The following EPHA6 variants were observed in gnomAD, a reference collection of about 807,000 sequenced individuals.
EPHA6 encodes ephrin type-A receptor 6.
In EPHA6, 50 loss-of-function variants were observed where a neutral mutation model predicts 112.0. The ratio of observed to expected loss-of-function variants is 0.45; its 90% CI spans 0.36 to 0.56. The LOEUF (loss-of-function observed/expected upper bound fraction) is 0.56. Ranked by LOEUF, EPHA6 falls within the 20% of genes least tolerant of loss-of-function variation. The pLI, the probability that EPHA6 is intolerant of heterozygous loss-of-function variation, is 0.00. For missense variants in EPHA6, 1,280 were observed against 1,417.4 expected (o/e 0.90, Z 1.56); for synonymous variants, 529 against 490.7 (o/e 1.08, Z -1.03).
intron 2 of EPHA6, among the ~76,000 whole-genome samples, chr3:96,961,349 C>T (rs2041943105): frequency 1.3e-5 from 2 of 152,334 alleles, no homozygotes; most frequent in Admixed American, 6.5e-5. Context: ...ACTGCAAATT[C>T]ATTCTTCTTT....
At chr3:97,306,714 A>C (rs2081335761) in intron 5 of EPHA6, among the ~76,000 whole-genome samples, 1 of 151,888 alleles carries the variant, frequency 6.6e-6, no homozygotes, top group African/African-American at 2.4e-5. Context: ...ACTATTAAAA[A>C]TTCAAATATC....
At chr3:97,556,247 C>T (rs945137793) in intron 11 of EPHA6, among the ~76,000 whole-genome samples, 12 of 152,000 alleles carry the variant, frequency 7.9e-5, no homozygotes, top group Non-Finnish European at 2.9e-5. Flanking sequence ...CCTCGTGTGA[C>T]CCTTTTGTTT....
chr3:97,472,595 A>T (rs1224562606), intron 7 of EPHA6, among the ~76,000 whole-genome samples: 2 of 151,784 alleles, frequency 1.3e-5, no homozygotes, highest in African/African-American at 4.8e-5. Context: ...CACTAATATG[A>T]TAAAACGCAA....
chr3:97,720,437 C>T (rs750101319), intron 15 of EPHA6, 27 bp downstream of exon 15: 1 of 1,565,524 alleles, frequency 6.4e-7, no homozygotes, highest in Non-Finnish European at 8.6e-7. Context: ...GTTAAACTGC[C>T]ATTTTGTGAA....
chr3:97,145,943 G>C (rs115554332), intron 3 of EPHA6, among the ~76,000 whole-genome samples: 2,409 of 151,416 alleles, frequency 0.016, 74 homozygotes, highest in African/African-American at 0.055. Flanking sequence ...TTTTTTCATA[G>C]AGTATTCTTA....
intron 3 of EPHA6, among the ~76,000 whole-genome samples, chr3:97,196,786 A>C (rs533486593): frequency 6.6e-6 from 1 of 151,808 alleles, no homozygotes; most frequent in African/African-American, 2.4e-5. Context: ...AATTCTCTGT[A>C]TTACCAGGAA....
At chr3:97,087,098 T>C (rs930239949) in intron 3 of EPHA6, among the ~76,000 whole-genome samples, 1 of 152,110 alleles carries the variant, frequency 6.6e-6, no homozygotes, top group South Asian at 2.1e-4. Context: ...ACTGCTTTTG[T>C]TCAAGAAAGC....
At chr3:96,874,003 A>T (rs2036797341) in intron 2 of EPHA6, among the ~76,000 whole-genome samples, 2 of 152,226 alleles carry the variant, frequency 1.3e-5, no homozygotes, top group Non-Finnish European at 2.9e-5. Context: ...CATGGTTGTG[A>T]TGACCAAAGA....
chr3:97,516,540 C>G (rs773045581), intron 10 of EPHA6, among the ~76,000 whole-genome samples: 4 of 152,140 alleles, frequency 2.6e-5, no homozygotes, highest in Non-Finnish European at 5.9e-5. Context: ...ATGACAAGCA[C>G]TGAATACAGT....
chr3:97,622,269 C>A (rs1347106578), intron 13 of EPHA6, among the ~76,000 whole-genome samples: 2 of 151,812 alleles, frequency 1.3e-5, no homozygotes, highest in East Asian at 3.9e-4. Context: ...TTCCCCCAGC[C>A]CCTGGCAAAC....
intron 11 of EPHA6, among the ~76,000 whole-genome samples, chr3:97,568,070 A>G (rs1306045561): frequency 6.6e-6 from 1 of 152,038 alleles, no homozygotes; most frequent in Non-Finnish European, 1.5e-5. Context: ...TTGGCTCTGG[A>G]TTGGTTAGTT....
intron 2 of EPHA6, among the ~76,000 whole-genome samples, chr3:96,976,518 T>A (rs1345562226): frequency 6.6e-6 from 1 of 152,200 alleles, no homozygotes; most frequent in Non-Finnish European, 1.5e-5. Context: ...TTAAAGTAAA[T>A]GTTTACACTA....
Position 96,987,606 on chromosome 3 carries a change from G to T in EPHA6, c.727G>T (p.Asp243Tyr), listed in dbSNP as rs748675557. Reference sequence around the variant, plus strand: ...CAAGCCAAACCAGTATACAAAGATCGACACAATTGCTGCTGATGAGAGTTT... The same window carrying T: ...CAAGCCAAACCAGTATACAAAGATCTACACAATTGCTGCTGATGAGAGTTT... The part of the protein sequence containing the change: ...KFKPNQYTKI[D>Y]TIAADESFTQ... Residue 243 changes from aspartate (D) to tyrosine (Y), a missense_variant, in exon 3 of 18, where the codon GAC (aspartate) becomes TAC (tyrosine). Asp to Tyr is a radical substitution (Grantham distance 160, BLOSUM62 -3). This residue lies in a region of EPHA6 where 878 missense variants were observed against 999.7 expected (regional missense o/e 0.88). Coordinates refer to ENST00000389672, the MANE Select transcript of EPHA6 (RefSeq NM_001080448.3). The T allele has an allele frequency of 3.1e-6, 5 of 1,613,270 alleles. No homozygotes were observed. Among genetic ancestry groups the T allele is most frequent in the Non-Finnish European group, 4.2e-6 (5 of 1,179,350 alleles).
At chr3:96,825,036 G>A (rs2033555047) in intron 1 of EPHA6, among the ~76,000 whole-genome samples, 1 of 151,752 alleles carries the variant, frequency 6.6e-6, no homozygotes, top group African/African-American at 2.4e-5. Context: ...AGTTATACAT[G>A]GGAAATGAAA....
intron 3 of EPHA6, among the ~76,000 whole-genome samples, chr3:97,116,250 T>A (rs1010814482): frequency 6.6e-6 from 1 of 151,732 alleles, no homozygotes; most frequent in Non-Finnish European, 1.5e-5. Context: ...AATATGTATA[T>A]TTTTAATGGT....
chr3:97,543,700 C>G (rs986708041), intron 11 of EPHA6, among the ~76,000 whole-genome samples: 9 of 151,958 alleles, frequency 5.9e-5, no homozygotes, highest in African/African-American at 2.2e-4. Flanking sequence ...TGGCCATTTT[C>G]ACGATATTGA....
chr3:96,908,560 T>C lies in EPHA6; in HGVS notation c.450+41671T>C, dbSNP rs572893616. Among the ~76,000 whole-genome samples the C allele has an allele frequency of 2.0e-5, 3 of 152,036 alleles. No homozygotes were observed. In the South Asian group the frequency reaches 6.2e-4, roughly 31 times the overall value. On this transcript the variant is annotated intron_variant, in intron 2 of 17. Coordinates refer to ENST00000389672, the MANE Select transcript of EPHA6 (RefSeq NM_001080448.3). Reference sequence around the variant, plus strand: ...TAGGGTAAACTTATATGTTTTCATATGTTCCCGTGCCGATTTCAGTGGTTT... The same window carrying C: ...TAGGGTAAACTTATATGTTTTCATACGTTCCCGTGCCGATTTCAGTGGTTT...
chr3:97,006,905 G>A (rs1576308020), intron 3 of EPHA6, among the ~76,000 whole-genome samples: 2 of 152,172 alleles, frequency 1.3e-5, no homozygotes, highest in African/African-American at 2.4e-5. Context: ...CCATTAAATT[G>A]TGTGGTTTTG....
In EPHA6 at chr3:96,814,599, T is replaced by G. The variant is rs2107180382; in HGVS notation, c.-25T>G. ...TCTCTCCGGCCCAAGTGAATAGTCC[T>G]CGCGCAAGCGGGACACTGTGGTGGA... On this transcript the variant is annotated 5_prime_UTR_variant, in exon 1 of 18. Coordinates refer to ENST00000389672, the MANE Select transcript of EPHA6 (RefSeq NM_001080448.3). 5.5e-6 allele frequency: 7 copies of G among 1,272,688 alleles called. No individual in the cohort carries two copies. The East Asian group carries it at 2.3e-4, about 42-fold the overall frequency. The allele number at this position is 1,272,688 out of a possible 1,614,324, so 78.8% of individuals were successfully genotyped here. A position where few individuals can be genotyped will look rare whatever the true frequency, so the allele number is the denominator to read the frequency against.
Sources: allele counts gnomAD v4.1 joint callset (sites outside exome capture counted in the v4.1 genomes callset), GRCh38; gene constraint gnomAD v4.1.1; regional missense constraint gnomAD v4.1.1; transcripts MANE v1.5; gene names NCBI Gene and HGNC (gene_info 2026-07-23, HGNC 2026-07-21).